JAZF1: variants seen among roughly 807,000 people sequenced by gnomAD.
JAZF1 encodes juxtaposed with another zinc finger protein 1.
A neutral mutation model predicts 26.4 loss-of-function variants in JAZF1; 8 were observed. The observed-to-expected ratio is 0.30, with a 90% CI of 0.18 to 0.55. The LOEUF is 0.55. JAZF1 is among the 20% of genes least tolerant of loss of function. The probability of loss-of-function intolerance (pLI) is 0.94; values close to 1 mark genes in which losing one functional copy is unlikely to be tolerated. For synonymous variants in JAZF1, 126 were observed against 122.3 expected, an observed-to-expected ratio of 1.03 and a Z score of -0.20; for missense variants, 199 against 322.0, an observed-to-expected ratio of 0.62 and a Z score of 2.92.
intron 1 of JAZF1, among the ~76,000 whole-genome samples, chr7:28,123,125 A>G (rs1214853511): frequency 6.6e-6 from 1 of 151,642 alleles, no homozygotes; most frequent in African/African-American, 2.4e-5. Flanking sequence ...CTCTAGCCAC[A>G]CTGCCCTTTT....
intron 3 of JAZF1, among the ~76,000 whole-genome samples, chr7:27,847,321 T>C (rs765962871): frequency 7.9e-5 from 12 of 152,164 alleles, no homozygotes; most frequent in Admixed American, 3.9e-4. Flanking sequence ...TTTGTTTTTG[T>C]AGACTGAACT....
chr7:28,029,581 G>A (rs1783150827), intron 1 of JAZF1, among the ~76,000 whole-genome samples: 1 of 152,150 alleles, frequency 6.6e-6, no homozygotes, highest in East Asian at 1.9e-4. Flanking sequence ...GAGAATGAAA[G>A]GCTACATGGG....
At chr7:27,850,389 C>G (rs1331132102) in intron 3 of JAZF1, among the ~76,000 whole-genome samples, 1 of 152,218 alleles carries the variant, frequency 6.6e-6, no homozygotes, top group Admixed American at 6.5e-5. Context: ...TCTCCCCTGT[C>G]TCCTCCTTAA....
At chr7:27,912,104 G>A (rs1784368126) in intron 2 of JAZF1, among the ~76,000 whole-genome samples, 1 of 141,436 alleles carries the variant, frequency 7.1e-6, no homozygotes, top group Non-Finnish European at 1.6e-5. Context: ...GCATCACGTG[G>A]CTTTTATGCA....
intron 1 of JAZF1, among the ~76,000 whole-genome samples, chr7:28,094,316 G>C (rs917152979): frequency 6.6e-6 from 1 of 152,158 alleles, no homozygotes; most frequent in African/African-American, 2.4e-5. Context: ...ACTCAGAACA[G>C]AGGCTACATT....
At chr7:27,863,981 A>C (rs1439508837) in intron 3 of JAZF1, 1 of 152,254 alleles carries the variant, frequency 6.6e-6, no homozygotes, top group Non-Finnish European at 1.5e-5. Flanking sequence ...CGCTAGGTCA[A>C]CTGCCAGAGA....
chr7:27,973,265 C>A (rs1288448156), intron 2 of JAZF1, among the ~76,000 whole-genome samples: 1 of 151,944 alleles, frequency 6.6e-6, no homozygotes, highest in Non-Finnish European at 1.5e-5. Context: ...GGAGGTCTCA[C>A]TTTGTCACCC....
chr7:28,172,096 C>T (rs975912146), intron 1 of JAZF1, among the ~76,000 whole-genome samples: 13 of 152,210 alleles, frequency 8.5e-5, no homozygotes, highest in African/African-American at 3.1e-4. Flanking sequence ...AACTTCCTGA[C>T]ACACTGCTAT....
rs1782676246 is a variant in JAZF1, at chr7:27,830,963, A to G, written c.*1837T>C. 1 of 218,788 alleles carries G rather than the reference A, an allele frequency of 4.6e-6. No individual in the cohort carries two copies. Among genetic ancestry groups the G allele is most frequent in the Admixed American group, 5.8e-5 (1 of 17,304 alleles). 13.6% of individuals were successfully genotyped at this position (218,788 alleles called of 1,614,324 possible). A position where few individuals can be genotyped will look rare whatever the true frequency, so the allele number is the denominator to read the frequency against. Reference sequence around the variant, plus strand: ...TCCAGCCTGCAGTTTCTTGCACTAGAAAGAGCGAAGCTAAATAATAATTGC... The same window carrying G: ...TCCAGCCTGCAGTTTCTTGCACTAGGAAGAGCGAAGCTAAATAATAATTGC... On this transcript the variant is annotated 3_prime_UTR_variant, in exon 5 of 5. Coordinates refer to ENST00000283928, the MANE Select transcript of JAZF1 (RefSeq NM_175061.4).
At chr7:28,081,417 G>A (rs1036739649) in intron 1 of JAZF1, among the ~76,000 whole-genome samples, 4 of 152,126 alleles carry the variant, frequency 2.6e-5, no homozygotes, top group Admixed American at 6.5e-5. Flanking sequence ...CAGCACTTCG[G>A]GGCACCAGAT....
chr7:28,062,906 T>C (rs1199967175), intron 1 of JAZF1, among the ~76,000 whole-genome samples: 1 of 152,228 alleles, frequency 6.6e-6, no homozygotes, highest in East Asian at 1.9e-4. Context: ...TATAGTCATC[T>C]ACTCTTTCCT....
intron 2 of JAZF1, among the ~76,000 whole-genome samples, chr7:27,931,787 C>T (rs952517214): frequency 1.3e-4 from 20 of 151,744 alleles, no homozygotes; most frequent in South Asian, 4.2e-4. Flanking sequence ...ACCTGGGAGA[C>T]GTGCTGGAAC....
intron 1 of JAZF1, among the ~76,000 whole-genome samples, chr7:28,007,747 T>G (rs547084301): frequency 9.2e-5 from 14 of 152,178 alleles, no homozygotes; most frequent in Non-Finnish European, 4.4e-5. Flanking sequence ...TTTCCCTTTT[T>G]TAAAAAGACT....
chr7:27,991,847 G>T (rs1785910184), intron 2 of JAZF1, 62 bp downstream of exon 2: 2 of 895,080 alleles, frequency 2.2e-6, no homozygotes, highest in South Asian at 1.5e-5. Flanking sequence ...AAAAAGATGT[G>T]TTTAAAAAGT....
intron 3 of JAZF1, among the ~76,000 whole-genome samples, chr7:27,885,961 T>C (rs1783854772): frequency 6.6e-6 from 1 of 152,234 alleles, no homozygotes; most frequent in African/African-American, 2.4e-5. Context: ...ATGTGCTATA[T>C]AGCTATTTCT....
At chr7:27,938,289 C>T (rs984803181) in intron 2 of JAZF1, among the ~76,000 whole-genome samples, 5 of 152,206 alleles carry the variant, frequency 3.3e-5, no homozygotes, top group African/African-American at 1.2e-4. Context: ...TATCCAGGAG[C>T]ATGGTTTGTT....
chr7:28,166,639 G>A (rs982796269), intron 1 of JAZF1, among the ~76,000 whole-genome samples: 4 of 152,154 alleles, frequency 2.6e-5, no homozygotes, highest in Non-Finnish European at 4.4e-5. Flanking sequence ...CTCTTGAAAT[G>A]CCTTCTTTCC....
chr7:27,911,943 ATTAT>A (rs1481779579), intron 2 of JAZF1, among the ~76,000 whole-genome samples: 5 of 152,226 alleles, frequency 3.3e-5, no homozygotes, highest in Non-Finnish European at 4.4e-5. Flanking sequence ...GGGTACAAAC[ATTAT>A]TTAAGAGTGA....
chr7:27,840,928 G>A lies in JAZF1; in HGVS notation c.386-61C>T, dbSNP rs755317451. On this transcript the variant is annotated intron_variant, in intron 3 of 4. Coordinates refer to ENST00000283928, the MANE Select transcript of JAZF1 (RefSeq NM_175061.4). The surrounding 1 kb of genome is among the most constrained non-coding windows in gnomAD (Gnocchi z 5.1). ...CGCTCATCTCCCCACAGGTTCACCC[G>A]GCCACTTCCAGGACAGGAGATGTGG... The A allele has an allele frequency of 1.2e-5, 19 of 1,567,412 alleles. No homozygotes were observed. Among genetic ancestry groups the A allele is most frequent in the South Asian group, 1.0e-4 (9 of 87,774 alleles).
Sources: gnomAD v4.1 joint callset for allele counts (sites outside exome capture counted in the v4.1 genomes callset) on GRCh38, gnomAD v4.1.1 for gene constraint, Gnocchi (gnomAD v3.1) non-coding constraint, MANE v1.5 for transcripts, NCBI Gene and HGNC (gene_info 2026-07-23, HGNC 2026-07-21) for gene names.